Variants in TSC22D1 observed in about 807,000 individuals in gnomAD.
TSC22D1 encodes the protein TSC22 domain family member 1.
TSC22D1 carries 9 observed loss-of-function variants against 74.2 expected under a neutral mutation model. That is an observed-to-expected ratio of 0.12 (90% CI 0.07 to 0.21). The LOEUF is 0.21. Ranked by LOEUF, TSC22D1 falls within the 10% of genes least tolerant of loss-of-function variation. The pLI is 1.00. For synonymous variants in TSC22D1, 586 were observed against 492.5 expected (o/e 1.19, Z -2.51); for missense variants, 1,427 against 1,304.7 (o/e 1.09, Z -1.44).
rs4499134 is a variant in TSC22D1, at chr13:44,573,656, C to T, written c.2419G>A (p.Glu807Lys). 6.2e-7 allele frequency: 1 copy of T among 1,614,242 alleles called. No individual in the cohort carries two copies. ...LTVPPQPQGV[E>K]PVAQGIVSQQ... is the part of the protein sequence containing the mutation. The stretch of plus-strand genomic sequence containing the variant: ...GAAACAATTCCTTGAGCTACTGGTT[C>T]TACTCCTTGTGGCTGGGGAGGCACA... The change falls in exon 1 of 3, where the codon GAA becomes AAA. Residue 807 changes from glutamate (E) to lysine (K), a missense_variant. Coordinates refer to ENST00000458659, the MANE Select transcript of TSC22D1 (RefSeq NM_183422.4).
intron 1 of TSC22D1, chr13:44,452,903 C>G (rs371085437): frequency 6.6e-6 from 1 of 152,332 alleles, no homozygotes; most frequent in Admixed American, 6.6e-5. Flanking sequence ...CATCTTTTTA[C>G]AAGATGAGAA....
intron 1 of TSC22D1, among the ~76,000 whole-genome samples, chr13:44,536,091 G>C (rs1212962147): frequency 1.3e-5 from 2 of 151,632 alleles, no homozygotes; most frequent in Non-Finnish European, 3.0e-5. Flanking sequence ...AAACTTACCA[G>C]GTTAATAAAG....
At chr13:44,572,965 T>C (rs1883872983) in intron 1 of TSC22D1, among the ~76,000 whole-genome samples, 198 bp downstream of exon 1, 1 of 152,218 alleles carries the variant, frequency 6.6e-6, no homozygotes, top group Non-Finnish European at 1.5e-5. Context: ...AAAATATTGT[T>C]TACATATTAC....
In TSC22D1 at chr13:44,576,190, C is replaced by T; in HGVS notation, c.-116G>A. On this transcript the variant is annotated 5_prime_UTR_variant, in exon 1 of 3. Coordinates refer to ENST00000458659, the MANE Select transcript of TSC22D1 (RefSeq NM_183422.4). Reference sequence around the variant, plus strand: ...ACCTGACGCTCCGCCTGGCGCGATTCCTCCTTCTCCTCCTCCTCAGCCAAA... The same window carrying T: ...ACCTGACGCTCCGCCTGGCGCGATTTCTCCTTCTCCTCCTCCTCAGCCAAA... 1 of 1,350,320 alleles carries T rather than the reference C, an allele frequency of 7.4e-7. No individual in the cohort carries two copies. Among genetic ancestry groups the T allele is most frequent in the Non-Finnish European group, 9.8e-7 (1 of 1,025,606 alleles). 83.6% of individuals were successfully genotyped at this position (1,350,320 alleles called of 1,614,324 possible).
At chr13:44,435,672 G>A (rs1335482576) in intron 2 of TSC22D1, 4 of 269,500 alleles carry the variant, frequency 1.5e-5, no homozygotes, top group Non-Finnish European at 2.9e-5. Flanking sequence ...CCCACCTCCC[G>A]GCTCCCTAGT....
chr13:44,479,252 A>G (rs1878064285), intron 1 of TSC22D1, among the ~76,000 whole-genome samples: 2 of 152,120 alleles, frequency 1.3e-5, no homozygotes, highest in Admixed American at 1.3e-4. Context: ...ACCCACGGGC[A>G]TGGCCCAGGA....
At chr13:44,573,051 C>T in intron 1 of TSC22D1, 112 bp downstream of exon 1, 2 of 1,428,632 alleles carry the variant, frequency 1.4e-6, no homozygotes, top group South Asian at 3.0e-5. Flanking sequence ...GCATTTTTCA[C>T]ATACAAAACA....
chr13:44,554,378 T>C lies in TSC22D1; in HGVS notation c.2912+18785A>G, dbSNP rs111660237. On this transcript the variant is annotated intron_variant, in intron 1 of 2. Transcript: ENST00000458659. The stretch of plus-strand genomic sequence containing the variant: ...GTCCAGATGCATCAATTCATTTGAA[T>C]AGAAAAACTGTCATGTATACCATAT... Among the ~76,000 whole-genome samples the C allele has an allele frequency of 1.4e-3, 216 of 152,286 alleles. 1 individual carries two copies. The highest frequency in any genetic ancestry group is 4.8e-3 in the African/African-American group (200 of 41,560).
chr13:44,546,263 T>G (rs931534361), intron 1 of TSC22D1, among the ~76,000 whole-genome samples: 5 of 152,162 alleles, frequency 3.3e-5, no homozygotes, highest in Non-Finnish European at 5.9e-5. Context: ...TCTCAAAATA[T>G]TCCCAAGACA....
At chr13:44,551,931 G>T (rs564237435) in intron 1 of TSC22D1, among the ~76,000 whole-genome samples, 1 of 152,220 alleles carries the variant, frequency 6.6e-6, no homozygotes, top group Non-Finnish European at 1.5e-5. Context: ...ACAAAAAAAA[G>T]ACCAACACTT....
intron 1 of TSC22D1, among the ~76,000 whole-genome samples, chr13:44,518,223 A>G (rs954222495): frequency 6.6e-6 from 1 of 152,040 alleles, no homozygotes; most frequent in Non-Finnish European, 1.5e-5. Flanking sequence ...ATTTTGATGA[A>G]AAAAGAAGTT....
At chr13:44,560,794 T>C (rs1335991896) in intron 1 of TSC22D1, among the ~76,000 whole-genome samples, 2 of 152,220 alleles carry the variant, frequency 1.3e-5, no homozygotes, top group East Asian at 3.8e-4. Flanking sequence ...CTTAAAACAA[T>C]ATAACGAACA....
intron 1 of TSC22D1, among the ~76,000 whole-genome samples, chr13:44,452,141 G>C (rs1003984224): frequency 6.6e-6 from 1 of 152,100 alleles, no homozygotes; most frequent in Non-Finnish European, 1.5e-5. Flanking sequence ...TCAAATAACA[G>C]AACTAAGCCT....
chr13:44,449,068 G>A (rs569094157), intron 1 of TSC22D1, among the ~76,000 whole-genome samples: 1 of 152,358 alleles, frequency 6.6e-6, no homozygotes, highest in African/African-American at 2.4e-5. Context: ...AGAGACCCAT[G>A]CTGCATGTGA....
rs182793157 is a variant in TSC22D1, at chr13:44,460,589, C to A, written c.2913-24494G>T. Among the ~76,000 whole-genome samples, 272 of 152,236 alleles carry A rather than the reference C, an allele frequency of 1.8e-3. 1 individual carries two copies. Among genetic ancestry groups the A allele is most frequent in the Non-Finnish European group, 2.8e-3 (190 of 68,014 alleles). The stretch of plus-strand genomic sequence containing the variant: ...TTGATGTCCTAAACTGTGTTAGAGT[C>A]CTTGCAGCCTCTTTCACAGAGGCCA... On this transcript the variant is annotated intron_variant, in intron 1 of 2. Coordinates refer to ENST00000458659, the MANE Select transcript of TSC22D1 (RefSeq NM_183422.4).
At chr13:44,516,076 G>A (rs1459750524) in intron 1 of TSC22D1, among the ~76,000 whole-genome samples, 1 of 152,016 alleles carries the variant, frequency 6.6e-6, no homozygotes, top group East Asian at 1.9e-4. Context: ...TAGAAAGTGG[G>A]GTTGATTTTA....
intron 1 of TSC22D1, among the ~76,000 whole-genome samples, chr13:44,522,860 A>C (rs1880379457): frequency 6.6e-6 from 1 of 152,144 alleles, no homozygotes; most frequent in Non-Finnish European, 1.5e-5. Flanking sequence ...TTCTCTGTAA[A>C]ACACTGTTTA....
rs1222384539 is a variant in TSC22D1, at chr13:44,432,224, TAA to T, written c.*2400_*2401del. The stretch of plus-strand genomic sequence containing the variant: ...AATTTCATGAGTCTCACATTTTTAA[TAA>T]AAAGACCCAAAGTTCCATTAAATAA... On this transcript the variant is annotated 3_prime_UTR_variant, in exon 3 of 3. Transcript: ENST00000458659. 2 of 152,068 alleles carry T rather than the reference TAA, an allele frequency of 1.3e-5. No homozygotes were observed. The highest frequency in any genetic ancestry group is 2.9e-5 in the Non-Finnish European group (2 of 67,990). 9.4% of individuals were successfully genotyped at this position (152,068 alleles called of 1,614,324 possible). A position where few individuals can be genotyped will look rare whatever the true frequency, so the allele number is the denominator to read the frequency against.
intron 1 of TSC22D1, among the ~76,000 whole-genome samples, chr13:44,456,022 A>G (rs749648312): frequency 3.3e-5 from 5 of 152,212 alleles, no homozygotes; most frequent in Admixed American, 2.0e-4. Flanking sequence ...ATAAGTCTGT[A>G]TAAGACAGAC....
Sources: gnomAD v4.1 joint callset for allele counts (sites outside exome capture counted in the v4.1 genomes callset) on GRCh38, gnomAD v4.1.1 for gene constraint, MANE v1.5 for transcripts, NCBI Gene and HGNC (gene_info 2026-07-23, HGNC 2026-07-21) for gene names.